DLG2: variants seen among roughly 807,000 people sequenced by gnomAD.
DLG2 encodes disks large homolog 2.
DLG2 carries 45 observed loss-of-function variants against 132.5 expected under a neutral mutation model. The ratio of observed to expected loss-of-function variants is 0.34; its 90% CI spans 0.27 to 0.44. The LOEUF is 0.44. DLG2 is among the 20% of genes least tolerant of loss of function. The probability of loss-of-function intolerance (pLI) is 1.00; values close to 1 mark genes in which losing one functional copy is unlikely to be tolerated. For synonymous variants in DLG2, 424 were observed against 419.6 expected (o/e 1.01, Z -0.13); for missense variants, 1,045 against 1,196.9 (o/e 0.87, Z 1.87).
At chr11:84,571,556 C>G (rs1374684951) in intron 6 of DLG2, among the ~76,000 whole-genome samples, 2 of 152,082 alleles carry the variant, frequency 1.3e-5, no homozygotes, top group African/African-American at 2.4e-5. Flanking sequence ...TCCCCTCCTC[C>G]TGCTCACCAG....
Position 83,791,424 on chromosome 11 carries a change from G to A in DLG2, c.1723-4632C>T, listed in dbSNP as rs575520157. The A allele has an allele frequency of 5.1e-5, 36 of 701,108 alleles. No individual in the cohort carries two copies. The African/African-American group carries it at 5.6e-4, about 11-fold the overall frequency. The allele number at this position is 701,108 out of a possible 1,614,324, so 43.4% of individuals were successfully genotyped here. The stretch of plus-strand genomic sequence containing the variant: ...CGTCTTTCCTGTTGATATCGCAGTT[G>A]GCCATATCTTTACCATAGCAGCTAC... On this transcript the variant is annotated intron_variant, in intron 17 of 27. Coordinates refer to ENST00000376104, the MANE Select transcript of DLG2 (RefSeq NM_001142699.3).
At chr11:84,770,359 AG>A (rs754171106) in intron 6 of DLG2, among the ~76,000 whole-genome samples, 6 of 152,194 alleles carry the variant, frequency 3.9e-5, no homozygotes, top group Admixed American at 6.5e-5. Context: ...TTTGTTATAT[AG>A]GTAAACTCAT....
intron 4 of DLG2, among the ~76,000 whole-genome samples, chr11:85,256,233 G>C (rs182967305): frequency 2.6e-5 from 4 of 152,256 alleles, no homozygotes; most frequent in Non-Finnish European, 5.9e-5. Context: ...AGAAGAGAAG[G>C]AGTGAAGAGA....
chr11:84,788,582 A>G (rs2073319340), intron 6 of DLG2, among the ~76,000 whole-genome samples: 1 of 152,092 alleles, frequency 6.6e-6, no homozygotes, highest in Non-Finnish European at 1.5e-5. Context: ...TATAACGTAT[A>G]TACAATGTTT....
intron 15 of DLG2, among the ~76,000 whole-genome samples, chr11:83,890,312 A>G (rs1441664120): frequency 6.6e-6 from 1 of 152,060 alleles, no homozygotes; most frequent in Non-Finnish European, 1.5e-5. Context: ...CTTCGACAAC[A>G]TTGAAAAGGT....
intron 9 of DLG2, among the ~76,000 whole-genome samples, chr11:84,137,036 T>C (rs2094628215): frequency 6.6e-6 from 1 of 152,124 alleles, no homozygotes; most frequent in African/African-American, 2.4e-5. Context: ...AACCAGATTG[T>C]GGTCCCAGGG....
At chr11:83,875,535 T>A (rs2064547008) in intron 15 of DLG2, among the ~76,000 whole-genome samples, 1 of 152,166 alleles carries the variant, frequency 6.6e-6, no homozygotes, top group Admixed American at 6.6e-5. Flanking sequence ...CATCTTGGAA[T>A]CTTAGAATAT....
rs75343086 is a variant in DLG2, at chr11:84,175,475, C to T, written c.574-11964G>A. ...TCCCTTTTATTCAAAAATCTTACCA[C>T]TGTCAGTTTCCAAAGGCGTGAACTG... On this transcript the variant is annotated intron_variant, in intron 8 of 27. Coordinates refer to ENST00000376104, the MANE Select transcript of DLG2 (RefSeq NM_001142699.3). Among the ~76,000 whole-genome samples, 942 of 152,256 alleles carry T rather than the reference C, an allele frequency of 6.2e-3. 8 individuals carry two copies. The highest frequency in any genetic ancestry group is 0.021 in the African/African-American group (892 of 41,570).
chr11:85,505,543 C>A (rs530409934), intron 3 of DLG2, among the ~76,000 whole-genome samples: 2 of 152,314 alleles, frequency 1.3e-5, no homozygotes, highest in South Asian at 4.1e-4. Context: ...GTATGTTGAA[C>A]CAGCCTTGCA....
intron 6 of DLG2, among the ~76,000 whole-genome samples, chr11:84,917,672 T>C (rs1367297472): frequency 6.6e-6 from 1 of 152,204 alleles, no homozygotes; most frequent in African/African-American, 2.4e-5. Context: ...GCTATTATTG[T>C]TATTGTTCAA....
At chr11:84,802,681 G>C (rs1221000996) in intron 6 of DLG2, among the ~76,000 whole-genome samples, 1 of 151,552 alleles carries the variant, frequency 6.6e-6, no homozygotes, top group Non-Finnish European at 1.5e-5. Flanking sequence ...GTCAATAGTG[G>C]TAAGCCCTCT....
rs1160916189 is a variant in DLG2, at chr11:84,477,019, A to G, written c.519+57551T>C. Among the ~76,000 whole-genome samples, 4 of 152,294 alleles carry G rather than the reference A, an allele frequency of 2.6e-5. No individual in the cohort carries two copies. In the East Asian group the frequency reaches 7.7e-4, roughly 30 times the overall value. The stretch of plus-strand genomic sequence containing the variant: ...AGATAACAAATACAGTAATCTTTAG[A>G]CAGACCGCAGGAAACACTAGCAGAC... On this transcript the variant is annotated intron_variant, in intron 7 of 27. Transcript: ENST00000376104.
intron 21 of DLG2, among the ~76,000 whole-genome samples, chr11:83,498,112 G>A (rs145118833): frequency 2.0e-5 from 3 of 151,920 alleles, no homozygotes; most frequent in East Asian, 1.9e-4. Context: ...TTTTAATTCC[G>A]ATTTTTAAGT....
intron 6 of DLG2, among the ~76,000 whole-genome samples, chr11:84,674,890 C>T (rs561415686): frequency 2.0e-5 from 3 of 152,234 alleles, no homozygotes; most frequent in South Asian, 2.1e-4. Flanking sequence ...TCCATCTCAC[C>T]AAGTCTTCCC....
chr11:85,609,286 A>T (rs2080819664), intron 2 of DLG2, among the ~76,000 whole-genome samples: 1 of 152,188 alleles, frequency 6.6e-6, no homozygotes, highest in Non-Finnish European at 1.5e-5. Context: ...AGCTGCAGAT[A>T]TCAGGAGAAA....
intron 7 of DLG2, among the ~76,000 whole-genome samples, chr11:84,520,806 A>G (rs1404358161): frequency 6.6e-6 from 1 of 152,160 alleles, no homozygotes; most frequent in Non-Finnish European, 1.5e-5. Flanking sequence ...AAGCCAACAA[A>G]GGATAACCTC....
intron 3 of DLG2, among the ~76,000 whole-genome samples, chr11:85,551,534 C>A (rs900522504): frequency 3.3e-5 from 5 of 151,842 alleles, no homozygotes; most frequent in Non-Finnish European, 7.4e-5. Context: ...CATATAACTC[C>A]TTTATAACTA....
At chr11:85,570,547 T>C (rs148706072) in intron 3 of DLG2, among the ~76,000 whole-genome samples, 2 of 152,302 alleles carry the variant, frequency 1.3e-5, no homozygotes, top group African/African-American at 2.4e-5. Context: ...AGTTTGATTA[T>C]GTTGTGTGGA....
chr11:83,938,803 A>G (rs1352358577), intron 14 of DLG2, among the ~76,000 whole-genome samples: 1 of 152,222 alleles, frequency 6.6e-6, no homozygotes, highest in Non-Finnish European at 1.5e-5. Flanking sequence ...AACAGGACAC[A>G]TGTGCATAGA....
Sources: gnomAD v4.1 joint callset for allele counts (sites outside exome capture counted in the v4.1 genomes callset) on GRCh38, gnomAD v4.1.1 for gene constraint, MANE v1.5 for transcripts, NCBI Gene and HGNC (gene_info 2026-07-23, HGNC 2026-07-21) for gene names.